Variants in WIPI1 observed in about 807,000 individuals in gnomAD.
WIPI1 encodes the protein WD repeat domain phosphoinositide-interacting protein 1.
In WIPI1, 45 loss-of-function variants were observed where a neutral mutation model predicts 55.3. That is an observed-to-expected ratio of 0.81 (90% CI 0.64 to 1.04). WIPI1 has a LOEUF of 1.04. Ranked by LOEUF, WIPI1 falls within the 50% of genes least tolerant of loss-of-function variation. The pLI is 0.00. For missense variants in WIPI1, 445 were observed against 559.0 expected (o/e 0.80, Z 2.06); for synonymous variants, 195 against 217.6 (o/e 0.90, Z 0.92).
intron 3 of WIPI1, among the ~76,000 whole-genome samples, chr17:68,450,077 A>G (rs2084438417): frequency 6.6e-6 from 1 of 152,320 alleles, no homozygotes; most frequent in South Asian, 2.1e-4. Flanking sequence ...AACACCCCCA[A>G]TACTTACTGA....
intron 4 of WIPI1, among the ~76,000 whole-genome samples, chr17:68,442,818 CTG>C (rs1319390071): frequency 6.6e-6 from 1 of 152,200 alleles, no homozygotes; most frequent in Non-Finnish European, 1.5e-5. Context: ...GCTGGCGCAC[CTG>C]TCTCAGACCA....
At chr17:68,454,950 G>A (rs904870265) in intron 1 of WIPI1, among the ~76,000 whole-genome samples, 2 of 152,136 alleles carry the variant, frequency 1.3e-5, no homozygotes, top group Admixed American at 1.3e-4. Context: ...TCTGAATCAA[G>A]GAATTTAGAC....
intron 6 of WIPI1, 64 bp downstream of exon 6, chr17:68,435,556 C>T (rs1051652903): frequency 6.7e-7 from 1 of 1,502,434 alleles, no homozygotes; most frequent in Non-Finnish European, 9.3e-7. Flanking sequence ...TCAATCCCAT[C>T]CCTGCGCACG....
intron 11 of WIPI1, 77 bp from the exon 12 acceptor site, chr17:68,426,252 G>GGGGGC: frequency 1.2e-6 from 1 of 828,188 alleles, no homozygotes; most frequent in Admixed American, 2.3e-5. Flanking sequence ...TGGGGAGCGG[G>GGGGGC]GGCTCAAATA....
chr17:68,454,447 C>T (rs1414574285), intron 1 of WIPI1, among the ~76,000 whole-genome samples: 1 of 152,148 alleles, frequency 6.6e-6, no homozygotes, highest in Non-Finnish European at 1.5e-5. Flanking sequence ...TTTGTTCTTC[C>T]CTGGGACACA....
At chr17:68,449,348 G>C (rs2084406733) in intron 3 of WIPI1, among the ~76,000 whole-genome samples, 1 of 152,182 alleles carries the variant, frequency 6.6e-6, no homozygotes, top group African/African-American at 2.4e-5. Context: ...ACAGTAATTT[G>C]GCCAAGCGTG....
intron 10 of WIPI1, chr17:68,428,459 C>T (rs762821668): frequency 1.3e-4 from 27 of 201,134 alleles, no homozygotes; most frequent in Non-Finnish European, 1.7e-4. Context: ...TCTTGAACAC[C>T]TGGACTCAAG....
At chr17:68,453,400 A>G (rs1180960989) in intron 1 of WIPI1, among the ~76,000 whole-genome samples, 2 of 152,104 alleles carry the variant, frequency 1.3e-5, no homozygotes, top group Admixed American at 6.5e-5. Flanking sequence ...GCACTTTACC[A>G]GATAAATCAG....
chr17:68,422,833 G>A (rs893034449), intron 12 of WIPI1: 2 of 149,672 alleles, frequency 1.3e-5, no homozygotes, highest in Non-Finnish European at 3.0e-5. Context: ...ACAAAATACA[G>A]AGACTTGTAC....
Position 68,434,611 on chromosome 17 carries a change from C to G in WIPI1, c.637G>C (p.Val213Leu). 6.2e-7 allele frequency: 1 copy of G among 1,614,036 alleles called. No homozygotes were observed. Among genetic ancestry groups the G allele is most frequent in the Non-Finnish European group, 8.5e-7 (1 of 1,179,908 alleles). ...TTTTGCCCATCAGGGACAGAGAACA[C>G]CCGGATGACTGTGCCCTGGAAAAGA... The part of the protein sequence containing the change: ...SASEKGTVIR[V>L]FSVPDGQKLY... Residue 213 changes from valine to leucine, a missense_variant, in exon 7 of 13, where the codon GTG (valine) becomes CTG (leucine). Val to Leu is a conservative substitution (Grantham distance 32). Coordinates refer to ENST00000262139, the MANE Select transcript of WIPI1 (RefSeq NM_017983.7).
chr17:68,442,424 C>T (rs1237114043), intron 4 of WIPI1, among the ~76,000 whole-genome samples: 1 of 149,696 alleles, frequency 6.7e-6, no homozygotes, highest in Non-Finnish European at 1.5e-5. Context: ...GAGATTGCAC[C>T]ACCTCACTCC....
intron 12 of WIPI1, among the ~76,000 whole-genome samples, chr17:68,425,377 CTTTTCTTT>C (rs1422296490): frequency 4.3e-5 from 5 of 117,110 alleles, no homozygotes; most frequent in Non-Finnish European, 8.3e-5. Flanking sequence ...CTAATTTTTT[CTTTTCTTT>C]TTTTTTTTTT....
chr17:68,428,607 T>G, intron 10 of WIPI1: 1 of 491,454 alleles, frequency 2.0e-6, no homozygotes, highest in Non-Finnish European at 3.7e-6. Context: ...GAGACCATCT[T>G]GTGTGTTATT....
chr17:68,436,274 A>T, intron 5 of WIPI1, 108 bp downstream of exon 5: 1 of 948,610 alleles, frequency 1.1e-6, no homozygotes, highest in Non-Finnish European at 1.7e-6. Context: ...AGTATTGCTT[A>T]CTCCCACCGC....
intron 2 of WIPI1, 31 bp from the exon 3 acceptor site, chr17:68,450,928 G>A: frequency 6.3e-7 from 1 of 1,598,482 alleles, no homozygotes; most frequent in East Asian, 2.2e-5. Context: ...GAGGTTACAT[G>A]GATTGATCAC....
chr17:68,450,187 G>C (rs2147986483), intron 3 of WIPI1, among the ~76,000 whole-genome samples: 1 of 152,310 alleles, frequency 6.6e-6, no homozygotes, highest in Non-Finnish European at 1.5e-5. Context: ...AGTCTTCAAG[G>C]GTTAGCTGGG....
chr17:68,425,693 T>G (rs2083122049), intron 12 of WIPI1, among the ~76,000 whole-genome samples: 1 of 152,136 alleles, frequency 6.6e-6, no homozygotes. Flanking sequence ...AAGGCAGCAT[T>G]CTGCAAACGC....
chr17:68,449,624 C>T (rs1373073202), intron 3 of WIPI1, among the ~76,000 whole-genome samples: 7 of 152,186 alleles, frequency 4.6e-5, no homozygotes, highest in African/African-American at 1.7e-4. Context: ...ACCCCCCACC[C>T]GTCTCTTGGT....
At position 68,421,709 on chromosome 17, in the gene WIPI1, T is replaced by C. The variant is rs2082787262; in HGVS notation, c.*64A>G. ...CACAATTGCACTCCATTCTTCCGCC[T>C]TCCTTGTTTTCTCCAAAACCACCTG... On this transcript the variant is annotated 3_prime_UTR_variant, in exon 13 of 13. Transcript: ENST00000262139. 1 of 1,611,272 alleles carries C rather than the reference T, an allele frequency of 6.2e-7. No homozygotes were observed. Among genetic ancestry groups the C allele is most frequent in the Admixed American group, 1.7e-5 (1 of 59,990 alleles).
Sources: gnomAD v4.1 joint callset for allele counts (sites outside exome capture counted in the v4.1 genomes callset) on GRCh38, gnomAD v4.1.1 for gene constraint, MANE v1.5 for transcripts, NCBI Gene and HGNC (gene_info 2026-07-23, HGNC 2026-07-21) for gene names.